The following C1QTNF7 variants were observed in gnomAD, a reference collection of about 807,000 sequenced individuals.
C1QTNF7 encodes the protein complement C1q tumor necrosis factor-related protein 7.
C1QTNF7 carries 15 observed loss-of-function variants against 19.6 expected under a neutral mutation model. The ratio of observed to expected loss-of-function variants is 0.76; its 90% CI spans 0.51 to 1.18. The LOEUF (loss-of-function observed/expected upper bound fraction) is 1.18, where lower values mean the gene tolerates loss of function less well. Among genes scored for constraint, C1QTNF7 ranks in the 50% most tolerant of loss-of-function variants. The pLI is 0.00. For missense variants in C1QTNF7, 324 were observed against 359.7 expected (o/e 0.90, Z 0.80); for synonymous variants, 142 against 137.5 (o/e 1.03, Z -0.23).
intron 1 of C1QTNF7, among the ~76,000 whole-genome samples, chr4:15,369,870 A>G (rs1717658563): frequency 6.6e-6 from 1 of 152,230 alleles, no homozygotes; most frequent in Admixed American, 6.5e-5. Flanking sequence ...GAAAGTATTA[A>G]CCACCTCAGT....
At position 15,435,736 on chromosome 4, in the gene C1QTNF7, AGCCAAAGATGTTTGTCTT is replaced by A; in HGVS notation, c.-5_13del. The A allele has an allele frequency of 6.2e-7, 1 of 1,614,098 alleles. No homozygotes were observed. Among genetic ancestry groups the A allele is most frequent in the Non-Finnish European group, 8.5e-7 (1 of 1,179,984 alleles). On this transcript the variant is annotated start_lost and splice_region_variant and 5_prime_UTR_variant, in exon 2 of 3. Transcript: ENST00000444304. ...TTACGTCTGTGTGTTTCTCTTCCAG[AGCCAAAGATGTTTGTCTT>A]GCTCTATGTTACAAGTTTTGCCATT...
chr4:15,411,634 A>G (rs1719406000), intron 1 of C1QTNF7, among the ~76,000 whole-genome samples: 1 of 152,164 alleles, frequency 6.6e-6, no homozygotes, highest in South Asian at 2.1e-4. Context: ...TGTCTAAACC[A>G]ACCCGGACAC....
rs545217986 is a variant in C1QTNF7, at chr4:15,359,116, G to A, written c.13+18909G>A. On this transcript the variant is annotated intron_variant, in intron 1 of 2. Coordinates refer to the C1QTNF7 transcript ENST00000295297. ...CTGCCACCCTCTATTCTCAATGGGC[G>A]GCTAGGCATAGGCATGAGGAAGGTC... Among the ~76,000 whole-genome samples, 28 of 152,192 alleles carry A rather than the reference G, an allele frequency of 1.8e-4. No individual in the cohort carries two copies. The South Asian group carries it at 5.0e-3, about 27-fold the overall frequency.
At chr4:15,372,357 T>A (rs1717766687) in intron 1 of C1QTNF7, among the ~76,000 whole-genome samples, 1 of 152,114 alleles carries the variant, frequency 6.6e-6, no homozygotes, top group African/African-American at 2.4e-5. Context: ...GCCCACCATA[T>A]GAGGACACAG....
rs144737584 is a variant in C1QTNF7, at chr4:15,428,586, T to C, written c.-9+480T>C. 6.7e-3 allele frequency among the ~76,000 whole-genome samples: 1,021 copies of C among 152,284 alleles called. 6 individuals are homozygous for C. Among genetic ancestry groups the C allele is most frequent in the South Asian group, 0.012 (57 of 4,826 alleles). ...ATAGCCATAACACAGTGCAATTGTG[T>C]GGCCTTGCAGGGACTTGAGTAGTGC... On this transcript the variant is annotated intron_variant, in intron 1 of 2. Transcript: ENST00000444304.
At chr4:15,341,824 G>A (rs935481118) in intron 1 of C1QTNF7, among the ~76,000 whole-genome samples, 2 of 152,202 alleles carry the variant, frequency 1.3e-5, no homozygotes, top group African/African-American at 4.8e-5. Context: ...GATGGCCAGC[G>A]TTTGCATGGC....
intron 1 of C1QTNF7, among the ~76,000 whole-genome samples, chr4:15,394,303 T>G (rs1270607406): frequency 6.6e-6 from 1 of 152,116 alleles, no homozygotes; most frequent in African/African-American, 2.4e-5. Context: ...ACATGGAGAG[T>G]GAGCTCTCAA....
At position 15,443,296 on chromosome 4, in the gene C1QTNF7, C is replaced by T. The variant is rs1021356965; in HGVS notation, c.*497C>T. 2.0e-5 allele frequency: 3 copies of T among 153,544 alleles called. No individual in the cohort carries two copies. The highest frequency in any genetic ancestry group is 7.2e-5 in the African/African-American group (3 of 41,392). 9.5% of individuals were successfully genotyped at this position (153,544 alleles called of 1,614,324 possible). ...ATGTTTTTTGTTTTATTATTTATTCCTTCATGTTTGTATATATTCACTCAA... is the reference window on the plus strand; with the variant it reads ...ATGTTTTTTGTTTTATTATTTATTCTTTCATGTTTGTATATATTCACTCAA... On this transcript the variant is annotated 3_prime_UTR_variant, in exon 3 of 3. Coordinates refer to ENST00000444304, the MANE Select transcript of C1QTNF7 (RefSeq NM_031911.5).
intron 1 of C1QTNF7, among the ~76,000 whole-genome samples, chr4:15,386,521 C>T (rs200708717): frequency 2.3e-4 from 20 of 88,468 alleles, no homozygotes; most frequent in Admixed American, 1.6e-3. Context: ...ACATAAAACA[C>T]GTGTACCTTA....
chr4:15,364,078 C>A (rs1717432670), intron 1 of C1QTNF7, among the ~76,000 whole-genome samples: 1 of 152,226 alleles, frequency 6.6e-6, no homozygotes, highest in Admixed American at 6.5e-5. Context: ...CTATGGCTAC[C>A]ATTCTGGCCA....
intron 1 of C1QTNF7, among the ~76,000 whole-genome samples, chr4:15,428,710 A>T (rs1259475146): frequency 6.6e-6 from 1 of 152,148 alleles, no homozygotes; most frequent in Non-Finnish European, 1.5e-5. Flanking sequence ...ACAACAACAT[A>T]AAAGGAACTG....
At chr4:15,341,705 C>T (rs1716543621) in intron 1 of C1QTNF7, among the ~76,000 whole-genome samples, 1 of 152,210 alleles carries the variant, frequency 6.6e-6, no homozygotes, top group Admixed American at 6.5e-5. Flanking sequence ...TGTCTCCTTC[C>T]CGGTCCTCTC....
chr4:15,429,771 C>A (rs546461727), intron 1 of C1QTNF7, among the ~76,000 whole-genome samples: 3 of 152,176 alleles, frequency 2.0e-5, no homozygotes, highest in African/African-American at 7.2e-5. Flanking sequence ...CCTGATTTTA[C>A]TTCTTTTGGA....
intron 1 of C1QTNF7, among the ~76,000 whole-genome samples, chr4:15,407,032 C>T (rs1029785297): frequency 1.3e-5 from 2 of 151,996 alleles, no homozygotes; most frequent in Admixed American, 6.6e-5. Flanking sequence ...GTTTTAAATC[C>T]CATCTCAACA....
intron 1 of C1QTNF7, among the ~76,000 whole-genome samples, chr4:15,373,452 C>T (rs1577242255): frequency 2.6e-5 from 4 of 152,296 alleles, no homozygotes; most frequent in African/African-American, 4.8e-5. Flanking sequence ...ATGGCAACTA[C>T]TTTATAGTTT....
chr4:15,351,975 T>A (rs898416162), intron 1 of C1QTNF7, among the ~76,000 whole-genome samples: 1 of 152,118 alleles, frequency 6.6e-6, no homozygotes, highest in African/African-American at 2.4e-5. Flanking sequence ...AAAGGCAGTA[T>A]AATTTAGAGT....
intron 1 of C1QTNF7, among the ~76,000 whole-genome samples, chr4:15,387,065 T>C (rs1184575638): frequency 1.3e-5 from 2 of 151,992 alleles, no homozygotes; most frequent in Non-Finnish European, 2.9e-5. Context: ...CAGCAGTAGG[T>C]ATGGGGAGAA....
chr4:15,350,295 AAGGAAAGG>A (rs1716882210), intron 1 of C1QTNF7, among the ~76,000 whole-genome samples: 2 of 2,650 alleles, frequency 7.5e-4, no homozygotes, highest in African/African-American at 1.2e-3. Context: ...GGGAAGAAGG[AAGGAAAGG>A]AGGGAAGGGA....
intron 1 of C1QTNF7, among the ~76,000 whole-genome samples, chr4:15,434,326 G>C (rs762190641): frequency 6.6e-6 from 1 of 152,082 alleles, no homozygotes; most frequent in Non-Finnish European, 1.5e-5. Flanking sequence ...TCATTCCTAC[G>C]CTCTGGCAAT....
Sources: allele counts gnomAD v4.1 joint callset (sites outside exome capture counted in the v4.1 genomes callset), GRCh38; gene constraint gnomAD v4.1.1; transcripts MANE v1.5; gene names NCBI Gene and HGNC (gene_info 2026-07-23, HGNC 2026-07-21).